The following THSD7B variants were observed in gnomAD, a reference collection of about 807,000 sequenced individuals.
THSD7B encodes the protein thrombospondin type-1 domain-containing protein 7B.
THSD7B carries 138 observed loss-of-function variants against 213.6 expected under a neutral mutation model. The ratio of observed to expected loss-of-function variants is 0.65; its 90% CI spans 0.56 to 0.74. THSD7B has a LOEUF of 0.74. Among genes scored for constraint, THSD7B ranks in the 30% least tolerant of loss-of-function variants. The probability of loss-of-function intolerance (pLI) is 0.00; values close to 1 mark genes in which losing one functional copy is unlikely to be tolerated. For synonymous variants in THSD7B, 742 were observed against 687.0 expected, an observed-to-expected ratio of 1.08 and a Z score of -1.25; for missense variants, 1,931 against 1,991.5, an observed-to-expected ratio of 0.97 and a Z score of 0.58.
chr2:137,388,724 A>G (rs1685949533), intron 12 of THSD7B, among the ~76,000 whole-genome samples: 1 of 152,032 alleles, frequency 6.6e-6, no homozygotes, highest in Non-Finnish European at 1.5e-5. Context: ...ATACCTCCAT[A>G]AGATCAGCTT....
chr2:136,894,843 C>T (rs1430748349), intron 2 of THSD7B, among the ~76,000 whole-genome samples: 1 of 152,136 alleles, frequency 6.6e-6, no homozygotes, highest in Non-Finnish European at 1.5e-5. Flanking sequence ...TCTCTAGTGA[C>T]ATTCCTAATA....
intron 2 of THSD7B, among the ~76,000 whole-genome samples, chr2:136,888,788 G>A (rs755309801): frequency 6.6e-6 from 1 of 152,026 alleles, no homozygotes; most frequent in Admixed American, 6.5e-5. Context: ...TTTCTAAGTA[G>A]TATTAAAATA....
chr2:137,310,380 G>A (rs375834728), intron 12 of THSD7B, among the ~76,000 whole-genome samples: 7 of 142,062 alleles, frequency 4.9e-5, no homozygotes, highest in South Asian at 5.0e-4. Context: ...ATTTGTTTGA[G>A]TTCATTGTAG....
At chr2:136,887,006 C>G (rs1277705487) in intron 2 of THSD7B, among the ~76,000 whole-genome samples, 1 of 152,132 alleles carries the variant, frequency 6.6e-6, no homozygotes, top group Admixed American at 6.6e-5. Flanking sequence ...AATTTGTGAT[C>G]TGGCATAGGT....
chr2:137,660,388 A>G (rs113525004), intron 25 of THSD7B, among the ~76,000 whole-genome samples: 10 of 152,354 alleles, frequency 6.6e-5, no homozygotes, highest in African/African-American at 2.4e-4. Flanking sequence ...TTAAAGAAAC[A>G]AGCTTTTTCT....
Position 137,094,853 on chromosome 2 carries a change from T to G in THSD7B, c.951-20T>G, listed in dbSNP as rs372232878. On this transcript the variant is annotated intron_variant, in intron 3 of 27. Transcript: ENST00000409968. ...TCCATTAATATATGGCCTCCTATTT[T>G]CTACTTCTGTTTTTTTCAGCCTTTG... 3.7e-5 allele frequency: 59 copies of G among 1,606,058 alleles called. No individual in the cohort carries two copies. Among genetic ancestry groups the G allele is most frequent in the Non-Finnish European group, 4.9e-5 (57 of 1,174,292 alleles).
intron 2 of THSD7B, among the ~76,000 whole-genome samples, chr2:136,911,407 G>T (rs1441442830): frequency 6.6e-6 from 1 of 152,098 alleles, no homozygotes; most frequent in Non-Finnish European, 1.5e-5. Flanking sequence ...TTCCTCTGGA[G>T]ATTTTATTGA....
chr2:137,588,748 A>C (rs962049205), intron 17 of THSD7B, among the ~76,000 whole-genome samples: 1 of 149,760 alleles, frequency 6.7e-6, no homozygotes, highest in African/African-American at 2.5e-5. Context: ...TGGTATGTTG[A>C]CTCATGTTGT....
intron 3 of THSD7B, among the ~76,000 whole-genome samples, chr2:137,060,398 TC>T (rs1315192173): frequency 6.7e-6 from 1 of 149,066 alleles, no homozygotes; most frequent in Non-Finnish European, 1.5e-5. Context: ...TTTTCAAGGA[TC>T]TTTTTTTTTT....
chr2:136,776,126 G>C (rs77986384), intron 1 of THSD7B, among the ~76,000 whole-genome samples: 5,440 of 152,118 alleles, frequency 0.036, 314 homozygotes, highest in African/African-American at 0.12. Flanking sequence ...AAAGAAGGAT[G>C]CTTCACGGGT....
At chr2:137,124,754 T>A (rs1278203362) in intron 5 of THSD7B, among the ~76,000 whole-genome samples, 1 of 152,204 alleles carries the variant, frequency 6.6e-6, no homozygotes, top group Admixed American at 6.5e-5. Flanking sequence ...AAATGTTATG[T>A]ACTTATGGCA....
intron 3 of THSD7B, among the ~76,000 whole-genome samples, chr2:137,091,132 A>G (rs1414441056): frequency 6.6e-6 from 1 of 152,244 alleles, no homozygotes; most frequent in Non-Finnish European, 1.5e-5. Flanking sequence ...AACAAGAATT[A>G]GGATCCCTTT....
intron 5 of THSD7B, among the ~76,000 whole-genome samples, chr2:137,125,292 C>T (rs1017712239): frequency 3.9e-5 from 6 of 152,142 alleles, no homozygotes; most frequent in African/African-American, 1.4e-4. Context: ...GGAGTCAATC[C>T]TCTCAAACCC....
At chr2:137,156,470 G>A (rs559858447) in intron 5 of THSD7B, among the ~76,000 whole-genome samples, 2 of 152,116 alleles carry the variant, frequency 1.3e-5, no homozygotes, top group Non-Finnish European at 2.9e-5. Flanking sequence ...AGTCCCTGGG[G>A]AAATCCCTCC....
intron 7 of THSD7B, among the ~76,000 whole-genome samples, chr2:137,191,921 T>C (rs1207114746): frequency 6.6e-6 from 1 of 152,220 alleles, no homozygotes; most frequent in Non-Finnish European, 1.5e-5. Flanking sequence ...CACCTCGATT[T>C]CTTTAAGGAA....
intron 6 of THSD7B, among the ~76,000 whole-genome samples, chr2:137,165,782 C>T (rs1024555929): frequency 1.1e-4 from 16 of 151,908 alleles, no homozygotes; most frequent in African/African-American, 3.6e-4. Context: ...CACACACACA[C>T]ACGTGCATGC....
intron 13 of THSD7B, among the ~76,000 whole-genome samples, chr2:137,407,448 AT>A (rs1264721327): frequency 2.0e-5 from 3 of 152,162 alleles, no homozygotes; most frequent in Admixed American, 6.5e-5. Flanking sequence ...TTTAAAAAAA[AT>A]AAAACAGTAA....
At chr2:137,652,532 A>G (rs1289675997) in intron 21 of THSD7B, among the ~76,000 whole-genome samples, 2 of 152,038 alleles carry the variant, frequency 1.3e-5, no homozygotes, top group African/African-American at 4.8e-5. Flanking sequence ...TGTCTTTTAA[A>G]TGGAAAATTG....
chr2:137,560,866 C>G lies in THSD7B; in HGVS notation c.3139-2355C>G, dbSNP rs147179334. The stretch of plus-strand genomic sequence containing the variant: ...TGTGTACTCTGGCTTTATTATCTGG[C>G]TTAAAGCTGGGACTGTGACTGCATC... On this transcript the variant is annotated intron_variant, in intron 15 of 27. Transcript: ENST00000409968. Among the ~76,000 whole-genome samples the G allele has an allele frequency of 3.3e-3, 496 of 152,164 alleles. 2 individuals carry two copies. The highest frequency in any genetic ancestry group is 0.011 in the African/African-American group (468 of 41,534).
Sources: allele counts gnomAD v4.1 joint callset (sites outside exome capture counted in the v4.1 genomes callset), GRCh38; gene constraint gnomAD v4.1.1; transcripts MANE v1.5; gene names NCBI Gene and HGNC (gene_info 2026-07-23, HGNC 2026-07-21).